Variants in CHCHD6 observed in about 807,000 individuals in gnomAD.
CHCHD6 encodes coiled-coil-helix-coiled-coil-helix domain containing 6.
In CHCHD6, 28 loss-of-function variants were observed where a neutral mutation model predicts 32.3. That is an observed-to-expected ratio of 0.87 (90% CI 0.64 to 1.19). The LOEUF is 1.19. Ranked by LOEUF, CHCHD6 falls within the 50% of genes most tolerant of loss-of-function variation. The probability of loss-of-function intolerance (pLI) is 0.00; values close to 1 mark genes in which losing one functional copy is unlikely to be tolerated. For missense variants in CHCHD6, 333 were observed against 307.0 expected (o/e 1.08, Z -0.63); for synonymous variants, 122 against 117.5 (o/e 1.04, Z -0.25).
intron 6 of CHCHD6, among the ~76,000 whole-genome samples, chr3:126,956,583 G>A (rs748512967): frequency 2.2e-5 from 3 of 134,126 alleles, no homozygotes; most frequent in Non-Finnish European, 4.8e-5. Flanking sequence ...GTGCTGTTGT[G>A]TGTGTCAGTG....
At chr3:126,958,499 A>C (rs953660813) in intron 7 of CHCHD6, among the ~76,000 whole-genome samples, 4 of 152,166 alleles carry the variant, frequency 2.6e-5, no homozygotes, top group African/African-American at 9.7e-5. Flanking sequence ...AGCCATGTCC[A>C]AGGGGAGATC....
chr3:126,862,719 T>TCACCACCTCCTCCTCC (rs1941982112), intron 5 of CHCHD6, among the ~76,000 whole-genome samples: 2 of 2,646 alleles, frequency 7.6e-4, no homozygotes, highest in African/African-American at 4.1e-3. Context: ...CCTCCTCCTC[T>TCACCACCTCCTCCTCC]ACCATCACCA....
chr3:126,835,728 T>C (rs902106546), intron 4 of CHCHD6, among the ~76,000 whole-genome samples: 80 of 152,336 alleles, frequency 5.3e-4, no homozygotes, highest in African/African-American at 1.9e-3. Flanking sequence ...TCTCTCTCTT[T>C]TCAGCCTGCA....
intron 6 of CHCHD6, among the ~76,000 whole-genome samples, chr3:126,952,274 G>C (rs2078726148): frequency 1.3e-5 from 2 of 152,264 alleles, no homozygotes; most frequent in South Asian, 2.1e-4. Flanking sequence ...TGGGTGCTCT[G>C]GGTGTGCAGC....
intron 5 of CHCHD6, among the ~76,000 whole-genome samples, chr3:126,877,866 A>G (rs2077560162): frequency 6.6e-6 from 1 of 152,252 alleles, no homozygotes; most frequent in Non-Finnish European, 1.5e-5. Flanking sequence ...ACTGCCTGGG[A>G]ATCTACAATT....
intron 4 of CHCHD6, among the ~76,000 whole-genome samples, chr3:126,754,238 T>C (rs1028694676): frequency 6.6e-6 from 1 of 152,216 alleles, no homozygotes; most frequent in Non-Finnish European, 1.5e-5. Context: ...GGGCATCACT[T>C]TCCCCATCCG....
chr3:126,856,265 C>A (rs1474561289), intron 5 of CHCHD6, among the ~76,000 whole-genome samples: 3 of 152,318 alleles, frequency 2.0e-5, no homozygotes, highest in Admixed American at 1.3e-4. Context: ...TTGATTTAAC[C>A]CAAAACAAAG....
At chr3:126,851,525 AGAC>A (rs1198034631) in intron 4 of CHCHD6, among the ~76,000 whole-genome samples, 1 of 152,232 alleles carries the variant, frequency 6.6e-6, no homozygotes, top group East Asian at 1.9e-4. Flanking sequence ...GCATAGGGAC[AGAC>A]AACAAGCAGT....
At chr3:126,730,335 C>A (rs1333156936) in intron 2 of CHCHD6, among the ~76,000 whole-genome samples, 2 of 152,168 alleles carry the variant, frequency 1.3e-5, no homozygotes, top group South Asian at 2.1e-4. Context: ...GGTGCAGAGA[C>A]CCCTTCGGGA....
At chr3:126,722,861 C>CT (rs1327453922) in intron 1 of CHCHD6, among the ~76,000 whole-genome samples, 1 of 152,166 alleles carries the variant, frequency 6.6e-6, no homozygotes, top group Non-Finnish European at 1.5e-5. Context: ...GGTGTCATCT[C>CT]TAAGAACGTA....
chr3:126,766,890 A>G, intron 4 of CHCHD6: 2 of 1,006,170 alleles, frequency 2.0e-6, no homozygotes, highest in Admixed American at 3.4e-5. Flanking sequence ...GGACCATCTC[A>G]TCCTGCTCTG....
intron 4 of CHCHD6, among the ~76,000 whole-genome samples, chr3:126,759,775 TGCTATGGTAAAGGTA>T (rs2107671757): frequency 6.6e-6 from 1 of 152,324 alleles, no homozygotes; most frequent in South Asian, 2.1e-4. Flanking sequence ...TACCACATTT[TGCTATGGTAAAGGTA>T]CTGTTAGTCT....
At chr3:126,779,625 G>A (rs1001286893) in intron 4 of CHCHD6, among the ~76,000 whole-genome samples, 2 of 151,506 alleles carry the variant, frequency 1.3e-5, no homozygotes, top group South Asian at 2.1e-4. Context: ...TATGTAAGGT[G>A]TAAGACAGAG....
At chr3:126,715,885 C>T (rs1184181709) in intron 1 of CHCHD6, among the ~76,000 whole-genome samples, 1 of 152,198 alleles carries the variant, frequency 6.6e-6, no homozygotes, top group Non-Finnish European at 1.5e-5. Context: ...CAAATGAGAT[C>T]ACGCTATTCC....
At chr3:126,862,012 C>G (rs1015635316) in intron 5 of CHCHD6, among the ~76,000 whole-genome samples, 1 of 24,796 alleles carries the variant, frequency 4.0e-5, no homozygotes, top group East Asian at 1.3e-3. Context: ...CACCACCTCC[C>G]CCTCCTCCAC....
intron 4 of CHCHD6, among the ~76,000 whole-genome samples, chr3:126,781,187 A>G (rs1056060935): frequency 2.0e-5 from 3 of 152,114 alleles, no homozygotes; most frequent in African/African-American, 7.2e-5. Flanking sequence ...GGCATGAAGG[A>G]AGGTAGGAGC....
intron 5 of CHCHD6, among the ~76,000 whole-genome samples, chr3:126,887,477 G>A (rs977735953): frequency 6.6e-6 from 1 of 152,174 alleles, no homozygotes; most frequent in Non-Finnish European, 1.5e-5. Context: ...GGAGGCTCGT[G>A]TGGGAAGATC....
intron 4 of CHCHD6, among the ~76,000 whole-genome samples, chr3:126,781,976 G>C (rs948828595): frequency 1.1e-4 from 16 of 152,150 alleles, no homozygotes; most frequent in Non-Finnish European, 1.9e-4. Context: ...CGAGAAATGA[G>C]AAACAGATGT....
At chr3:126,729,388 A>C (rs1273090654) in intron 2 of CHCHD6, among the ~76,000 whole-genome samples, 1 of 152,206 alleles carries the variant, frequency 6.6e-6, no homozygotes, top group Non-Finnish European at 1.5e-5. Context: ...GGGAGCGGGG[A>C]GCGGGCAGGG....
Sources: allele counts gnomAD v4.1 joint callset (sites outside exome capture counted in the v4.1 genomes callset), GRCh38; gene constraint gnomAD v4.1.1; transcripts MANE v1.5; gene names NCBI Gene and HGNC (gene_info 2026-07-23, HGNC 2026-07-21).